Variants in HPSE2 observed in about 807,000 individuals in gnomAD.
HPSE2 encodes the protein inactive heparanase-2.
A neutral mutation model predicts 60.5 loss-of-function variants in HPSE2; 38 were observed. The observed-to-expected ratio is 0.63, with a 90% CI of 0.48 to 0.82. HPSE2 has a LOEUF of 0.82. Ranked by LOEUF, HPSE2 falls within the 40% of genes least tolerant of loss-of-function variation. The pLI is 0.00. For missense variants in HPSE2, 713 were observed against 740.4 expected (o/e 0.96, Z 0.43); for synonymous variants, 295 against 293.2 (o/e 1.01, Z -0.06).
rs117054725 is a variant in HPSE2 at position 98,512,304 on chromosome 10, G to A, written c.1321-22108C>T. ...TACTTAAAATTGTCGAATGGTGGCC[G>A]GGTGCAGTGGCTCACGCCTGTAATC... On this transcript the variant is annotated intron_variant, in intron 9 of 11. Transcript: ENST00000370552. Among the ~76,000 whole-genome samples the A allele has an allele frequency of 3.5e-3, 539 of 152,298 alleles. 5 individuals are homozygous for A. The highest frequency in any genetic ancestry group is 3.9e-3 in the Non-Finnish European group (267 of 68,030).
intron 3 of HPSE2, among the ~76,000 whole-genome samples, chr10:99,047,143 A>G: frequency 6.6e-6 from 1 of 152,202 alleles, no homozygotes; most frequent in East Asian, 1.9e-4. Flanking sequence ...CATGAAACAG[A>G]GTAGCAAACT....
the HPSE2 span, among the ~76,000 whole-genome samples, chr10:99,245,954 T>C: frequency 9.2e-5 from 14 of 152,208 alleles, no homozygotes; most frequent in Non-Finnish European, 1.6e-4. Flanking sequence ...TGTACACACA[T>C]ACATATGTAC....
At chr10:99,310,013 G>A in the HPSE2 span, among the ~76,000 whole-genome samples, 1 of 152,278 alleles carries the variant, frequency 6.6e-6, no homozygotes, top group Admixed American at 6.5e-5. Flanking sequence ...AAAGCCCTAG[G>A]GGAAAATTCT....
intron 3 of HPSE2, among the ~76,000 whole-genome samples, chr10:98,907,953 G>A (rs139428541): frequency 3.3e-5 from 5 of 152,194 alleles, no homozygotes; most frequent in Middle Eastern, 3.4e-3. Context: ...ATAAAAATCA[G>A]TCTATTTTGT....
At chr10:99,053,579 A>C (rs1958039182) in intron 3 of HPSE2, among the ~76,000 whole-genome samples, 1 of 152,122 alleles carries the variant, frequency 6.6e-6, no homozygotes, top group Non-Finnish European at 1.5e-5. Flanking sequence ...AACTTGAACA[A>C]AATATTTGCT....
chr10:99,066,805 C>T (rs149807447), intron 3 of HPSE2, among the ~76,000 whole-genome samples: 4,155 of 152,198 alleles, frequency 0.027, 192 homozygotes, highest in African/African-American at 0.094. Flanking sequence ...CATGTCCTCA[C>T]ATTTCAAAAC....
chr10:98,513,890 A>G (rs1464267837), intron 9 of HPSE2, among the ~76,000 whole-genome samples: 1 of 152,134 alleles, frequency 6.6e-6, no homozygotes, highest in African/African-American at 2.4e-5. Flanking sequence ...TGATCCAGCA[A>G]TTCCACTCCT....
intron 2 of HPSE2, among the ~76,000 whole-genome samples, chr10:99,203,235 G>A (rs935458993): frequency 3.3e-5 from 5 of 151,854 alleles, no homozygotes; most frequent in Admixed American, 6.6e-5. Flanking sequence ...AGCCCCCAGG[G>A]CCAGGATAGC....
At chr10:99,211,055 T>C (rs533208041) in intron 2 of HPSE2, among the ~76,000 whole-genome samples, 2 of 152,176 alleles carry the variant, frequency 1.3e-5, no homozygotes, top group African/African-American at 4.8e-5. Context: ...TATATACAAA[T>C]TCAGTAAAGT....
intron 3 of HPSE2, among the ~76,000 whole-genome samples, chr10:99,070,284 A>T (rs1842746266): frequency 6.6e-6 from 1 of 152,158 alleles, no homozygotes; most frequent in Non-Finnish European, 1.5e-5. Context: ...TAAACAACCA[A>T]ATTTTTTAAA....
intron 3 of HPSE2, among the ~76,000 whole-genome samples, chr10:98,950,718 T>C (rs1955332310): frequency 6.6e-6 from 1 of 152,166 alleles, no homozygotes; most frequent in African/African-American, 2.4e-5. Context: ...CAGTGCAATA[T>C]TGACATATGT....
intron 3 of HPSE2, among the ~76,000 whole-genome samples, chr10:99,100,304 G>C (rs1011719712): frequency 2.0e-5 from 3 of 152,186 alleles, no homozygotes; most frequent in African/African-American, 7.2e-5. Context: ...TAAATGACCT[G>C]ATGGAGCTAA....
At chr10:99,113,507 G>A (rs1175763876) in intron 3 of HPSE2, among the ~76,000 whole-genome samples, 1 of 151,876 alleles carries the variant, frequency 6.6e-6, no homozygotes, top group African/African-American at 2.4e-5. Flanking sequence ...TGCACCTACT[G>A]CGGTAATATA....
intron 9 of HPSE2, among the ~76,000 whole-genome samples, chr10:98,505,925 T>A (rs1942185239): frequency 6.6e-6 from 1 of 152,184 alleles, no homozygotes; most frequent in South Asian, 2.1e-4. Context: ...TTGTTTTATA[T>A]TGTGTTGAAA....
intron 1 of HPSE2, among the ~76,000 whole-genome samples, chr10:99,233,230 C>G (rs1364182001): frequency 6.6e-6 from 1 of 151,906 alleles, no homozygotes; most frequent in African/African-American, 2.4e-5. Flanking sequence ...CACACACACA[C>G]AGTAAAGGCA....
chr10:98,766,549 A>T (rs1443141439), intron 3 of HPSE2, among the ~76,000 whole-genome samples: 1 of 152,244 alleles, frequency 6.6e-6, no homozygotes, highest in Non-Finnish European at 1.5e-5. Context: ...AAATATTAAC[A>T]AATTAATTCA....
At chr10:98,698,005 C>A (rs558383518) in intron 5 of HPSE2, among the ~76,000 whole-genome samples, 15 of 147,994 alleles carry the variant, frequency 1.0e-4, no homozygotes, top group East Asian at 7.9e-4. Flanking sequence ...CCTGAGTGAC[C>A]TACAAAGAGA....
intron 6 of HPSE2, among the ~76,000 whole-genome samples, chr10:98,659,712 T>C (rs539828704): frequency 6.6e-6 from 1 of 152,240 alleles, no homozygotes; most frequent in East Asian, 1.9e-4. Context: ...ACAGTAACAG[T>C]AGGAAGGTCC....
At chr10:99,111,926 T>C (rs1459424541) in intron 3 of HPSE2, among the ~76,000 whole-genome samples, 1 of 152,200 alleles carries the variant, frequency 6.6e-6, no homozygotes, top group Non-Finnish European at 1.5e-5. Context: ...TATTAAATAT[T>C]GTACATATTG....
Sources: allele counts gnomAD v4.1 joint callset (sites outside exome capture counted in the v4.1 genomes callset), GRCh38; gene constraint gnomAD v4.1.1; transcripts MANE v1.5; gene names NCBI Gene and HGNC (gene_info 2026-07-23, HGNC 2026-07-21).